The following PTH2R variants were observed in gnomAD, a reference collection of about 807,000 sequenced individuals.
PTH2R encodes PTH2 receptor.
A neutral mutation model predicts 60.3 loss-of-function variants in PTH2R; 59 were observed. The observed-to-expected ratio is 0.98, with a 90% confidence interval of 0.79 to 1.22. The LOEUF (loss-of-function observed/expected upper bound fraction) is 1.22. PTH2R is among the 50% of genes most tolerant of loss of function. The probability of loss-of-function intolerance (pLI) is 0.00; values close to 1 mark genes in which losing one functional copy is unlikely to be tolerated. For missense variants in PTH2R, 749 were observed against 682.6 expected, an observed-to-expected ratio of 1.10 and a Z score of -1.08; for synonymous variants, 256 against 243.8, an observed-to-expected ratio of 1.05 and a Z score of -0.47.
chr2:208,389,540 C>T (rs1701067765), intron 1 of PTH2R, among the ~76,000 whole-genome samples: 4 of 152,106 alleles, frequency 2.6e-5, no homozygotes, highest in Admixed American at 2.0e-4. Flanking sequence ...TGGAAGTTAG[C>T]GCACGTTAGT....
chr2:208,435,866 G>A (rs779093491), intron 2 of PTH2R, among the ~76,000 whole-genome samples: 2 of 152,202 alleles, frequency 1.3e-5, no homozygotes, highest in Admixed American at 6.5e-5. Context: ...TGAAGTTTGT[G>A]GTAATCTGTT....
chr2:208,409,565 T>C (rs1701498620), intron 1 of PTH2R, among the ~76,000 whole-genome samples: 1 of 152,182 alleles, frequency 6.6e-6, no homozygotes, highest in African/African-American at 2.4e-5. Flanking sequence ...TTATAACATA[T>C]TGATAGAAAA....
intron 4 of PTH2R, among the ~76,000 whole-genome samples, chr2:208,438,485 G>A (rs1702121852): frequency 6.6e-6 from 1 of 152,194 alleles, no homozygotes; most frequent in Non-Finnish European, 1.5e-5. Flanking sequence ...AGGGTTTAAT[G>A]TAGAGCCCTT....
chr2:208,418,194 C>A (rs893903596), intron 1 of PTH2R, among the ~76,000 whole-genome samples: 2 of 151,766 alleles, frequency 1.3e-5, no homozygotes, highest in African/African-American at 4.8e-5. Context: ...TTATGCTGAA[C>A]CTATATGACA....
chr2:208,473,687 C>T (rs1161024900), intron 9 of PTH2R, among the ~76,000 whole-genome samples: 1 of 151,898 alleles, frequency 6.6e-6, no homozygotes, highest in East Asian at 1.9e-4. Context: ...GAATGCCTGA[C>T]CTTTATTGGT....
chr2:208,420,457 T>G (rs1304504345), intron 1 of PTH2R, among the ~76,000 whole-genome samples: 1 of 151,908 alleles, frequency 6.6e-6, no homozygotes, highest in African/African-American at 2.4e-5. Context: ...TGCTCTCAAT[T>G]TTTTTTTGCT....
At chr2:208,455,170 A>G (rs1455381623) in intron 8 of PTH2R, among the ~76,000 whole-genome samples, 1 of 152,230 alleles carries the variant, frequency 6.6e-6, no homozygotes, top group Non-Finnish European at 1.5e-5. Context: ...GAGATTGCAA[A>G]TCTCAAAGAA....
At chr2:208,415,072 G>T (rs113046422) in intron 1 of PTH2R, among the ~76,000 whole-genome samples, 3 of 152,028 alleles carry the variant, frequency 2.0e-5, no homozygotes, top group Non-Finnish European at 4.4e-5. Flanking sequence ...AACAGACAAA[G>T]GACGTTAGGT....
intron 9 of PTH2R, among the ~76,000 whole-genome samples, chr2:208,463,833 G>A (rs1020025729): frequency 6.6e-6 from 1 of 152,212 alleles, no homozygotes; most frequent in Admixed American, 6.5e-5. Context: ...GACTCCCAGG[G>A]ATGATCTGGC....
In PTH2R at chr2:208,435,546, A is replaced by G. The variant is rs58901821; in HGVS notation, c.179-1991A>G. On this transcript the variant is annotated intron_variant, in intron 2 of 12. Transcript: ENST00000272847. ...AGATTAAACATGTGAGAAGGACTCA[A>G]CCTGCCTTGCTGACTTCGAAGATGG... is the stretch of plus-strand genomic sequence containing the variant. Among the ~76,000 whole-genome samples, 755 of 152,318 alleles carry G rather than the reference A, an allele frequency of 5.0e-3. 9 individuals are homozygous for G. Among genetic ancestry groups the G allele is most frequent in the African/African-American group, 0.017 (709 of 41,576 alleles).
intron 8 of PTH2R, among the ~76,000 whole-genome samples, chr2:208,452,618 T>A (rs1368206041): frequency 3.3e-5 from 5 of 152,120 alleles, no homozygotes; most frequent in Non-Finnish European, 7.4e-5. Flanking sequence ...ATTAGGATGT[T>A]TGGTCTTCGT....
intron 1 of PTH2R, among the ~76,000 whole-genome samples, chr2:208,409,123 C>G (rs1471043444): frequency 6.6e-6 from 1 of 152,108 alleles, no homozygotes; most frequent in Non-Finnish European, 1.5e-5. Flanking sequence ...CCATTTATAT[C>G]TATAGATTAT....
intron 1 of PTH2R, among the ~76,000 whole-genome samples, chr2:208,366,768 T>C (rs1234700291): frequency 6.6e-6 from 1 of 152,220 alleles, no homozygotes; most frequent in Non-Finnish European, 1.5e-5. Context: ...CTTTCTTACA[T>C]ATTTTAAGTT....
intron 1 of PTH2R, among the ~76,000 whole-genome samples, chr2:208,384,815 T>C (rs1700975388): frequency 6.6e-6 from 1 of 152,170 alleles, no homozygotes; most frequent in African/African-American, 2.4e-5. Context: ...GGTTCAGAGG[T>C]GTCAGAGCAA....
At chr2:208,445,875 T>C (rs565004414) in intron 7 of PTH2R, among the ~76,000 whole-genome samples, 3 of 152,332 alleles carry the variant, frequency 2.0e-5, no homozygotes, top group African/African-American at 7.2e-5. Context: ...CAATTAAAGT[T>C]GTATTTTTGT....
intron 4 of PTH2R, among the ~76,000 whole-genome samples, chr2:208,438,495 T>C (rs1377789626): frequency 1.2e-4 from 19 of 152,186 alleles, no homozygotes; most frequent in Admixed American, 1.2e-3. Flanking sequence ...GTAGAGCCCT[T>C]ATGTCCCAAT....
intron 1 of PTH2R, among the ~76,000 whole-genome samples, chr2:208,423,364 G>A (rs1701794332): frequency 6.6e-6 from 1 of 151,994 alleles, no homozygotes; most frequent in Non-Finnish European, 1.5e-5. Context: ...TTAGAAGTGT[G>A]TTTAGTTTCT....
chr2:208,360,451 G>A (rs917727870), intron 1 of PTH2R, among the ~76,000 whole-genome samples: 14 of 152,260 alleles, frequency 9.2e-5, no homozygotes, highest in African/African-American at 2.9e-4. Flanking sequence ...TGCCTGGGGC[G>A]CAGAACCGCA....
intron 1 of PTH2R, among the ~76,000 whole-genome samples, chr2:208,384,406 AG>A (rs764479403): frequency 6.6e-6 from 1 of 152,226 alleles, no homozygotes; most frequent in Non-Finnish European, 1.5e-5. Context: ...TGCTAACTAG[AG>A]GCTCTGAAGA....
Sources: allele counts gnomAD v4.1 joint callset (sites outside exome capture counted in the v4.1 genomes callset), GRCh38; gene constraint gnomAD v4.1.1; transcripts MANE v1.5; gene names NCBI Gene and HGNC (gene_info 2026-07-23, HGNC 2026-07-21).